Variants in USP54 observed in about 807,000 individuals in gnomAD.
USP54 encodes the protein ubiquitin specific peptidase 54.
A neutral mutation model predicts 170.5 loss-of-function variants in USP54; 87 were observed. The ratio of observed to expected loss-of-function variants is 0.51; its 90% confidence interval spans 0.43 to 0.61. USP54 has a LOEUF of 0.61. USP54 is among the 20% of genes least tolerant of loss of function. USP54 has a pLI of 0.00. For missense variants in USP54, 1,786 were observed against 2,047.8 expected, an observed-to-expected ratio of 0.87 and a Z score of 2.47; for synonymous variants, 655 against 742.8, an observed-to-expected ratio of 0.88 and a Z score of 1.92.
chr10:73,502,592 C>T (rs145982110), intron 22 of USP54, among the ~76,000 whole-genome samples: 2 of 152,212 alleles, frequency 1.3e-5, no homozygotes, highest in East Asian at 1.9e-4. Context: ...GGATTACAGG[C>T]GTGAGCCACC....
intron 5 of USP54, among the ~76,000 whole-genome samples, chr10:73,543,729 C>T (rs577241880): frequency 3.5e-4 from 53 of 152,166 alleles, no homozygotes; most frequent in African/African-American, 1.2e-3. Context: ...CAGATTTCAC[C>T]AGTTTTACAT....
chr10:73,623,986 G>A (rs1451090514), intron 1 of USP54, among the ~76,000 whole-genome samples: 2 of 151,784 alleles, frequency 1.3e-5, no homozygotes, highest in African/African-American at 4.8e-5. Flanking sequence ...GATTCATGCA[G>A]AAATCTTTTG....
At chr10:73,544,638 T>G (rs2067346798) in intron 5 of USP54, among the ~76,000 whole-genome samples, 1 of 152,186 alleles carries the variant, frequency 6.6e-6, no homozygotes. Flanking sequence ...GTGATCCAGT[T>G]CCTCAGGAGC....
At chr10:73,606,701 AC>A (rs1168142141) in intron 1 of USP54, among the ~76,000 whole-genome samples, 5 of 151,782 alleles carry the variant, frequency 3.3e-5, no homozygotes, top group Non-Finnish European at 4.4e-5. Flanking sequence ...ACACGGTGAA[AC>A]CCTGTCTCTA....
At chr10:73,554,761 C>T (rs1171468259) in intron 4 of USP54, among the ~76,000 whole-genome samples, 2 of 152,190 alleles carry the variant, frequency 1.3e-5, no homozygotes, top group African/African-American at 4.8e-5. Context: ...GAAACAAGTG[C>T]CAAACATTTT....
intron 22 of USP54, among the ~76,000 whole-genome samples, chr10:73,502,870 C>T (rs905517894): frequency 6.6e-6 from 1 of 152,152 alleles, no homozygotes; most frequent in Non-Finnish European, 1.5e-5. Context: ...CTGCCAGATA[C>T]CTCCACTCAA....
chr10:73,551,111 A>T (rs2069224935), intron 4 of USP54, among the ~76,000 whole-genome samples: 2 of 152,130 alleles, frequency 1.3e-5, no homozygotes, highest in African/African-American at 4.8e-5. Flanking sequence ...CTCAAAAAAA[A>T]TAAATTGTTT....
chr10:73,518,644 T>C (rs888434751), intron 19 of USP54: 6 of 151,850 alleles, frequency 4.0e-5, no homozygotes, highest in Non-Finnish European at 7.4e-5. Context: ...TTTACTAATA[T>C]GGGAAGCCCA....
intron 20 of USP54, among the ~76,000 whole-genome samples, chr10:73,510,326 C>T: frequency 6.6e-6 from 1 of 151,876 alleles, no homozygotes; most frequent in Non-Finnish European, 1.5e-5. Context: ...TAGAACGAGA[C>T]CTCGTCTAAA....
intron 4 of USP54, among the ~76,000 whole-genome samples, chr10:73,568,828 A>G (rs2074392526): frequency 6.6e-6 from 1 of 152,192 alleles, no homozygotes. Context: ...ATATTTCCTC[A>G]GCCCAACAAA....
Position 73,558,704 on chromosome 10 carries a change from G to C in USP54, c.240+12717C>G, listed in dbSNP as rs566283364. 5.3e-5 allele frequency among the ~76,000 whole-genome samples: 8 copies of C among 152,178 alleles called. No individual in the cohort carries two copies. In the South Asian group the frequency reaches 1.7e-3, roughly 32 times the overall value. ...ATTATGCTCCAAATAAAAGAAATCT[G>C]ACTTTACAGAATTGGCAAGTCCTTA... On this transcript the variant is annotated intron_variant, in intron 4 of 23. Coordinates refer to ENST00000687698, the MANE Select transcript of USP54 (RefSeq NM_001391956.1).
chr10:73,557,378 G>C (rs2071369494), intron 4 of USP54, among the ~76,000 whole-genome samples: 1 of 151,622 alleles, frequency 6.6e-6, no homozygotes, highest in African/African-American at 2.4e-5. Context: ...CAGAAGCGCA[G>C]TGGCGCAATC....
Position 73,517,754 on chromosome 10 carries a change from C to T in USP54, c.2679-7G>A. ...GAGCGGGATAGGCTGTTCACTGAAA[C>T]AAATGGAGAGAGCTAGTCATAAGCT... On this transcript the variant is annotated splice_polypyrimidine_tract_variant and splice_region_variant and intron_variant, in intron 19 of 23. Coordinates refer to ENST00000687698, the MANE Select transcript of USP54 (RefSeq NM_001391956.1). The T allele has an allele frequency of 6.2e-7, 1 of 1,604,118 alleles. No homozygotes were observed. Among genetic ancestry groups the T allele is most frequent in the South Asian group, 1.1e-5 (1 of 89,432 alleles).
At chr10:73,513,532 C>T (rs1438134726) in intron 20 of USP54, 1 of 151,578 alleles carries the variant, frequency 6.6e-6, no homozygotes, top group Non-Finnish European at 1.5e-5. Flanking sequence ...AAATAAATTA[C>T]AGTACATTCA....
Position 73,539,513 on chromosome 10 carries a change from A to C in USP54, c.906T>G (p.His302Gln), listed in dbSNP as rs758345287. 1 of 1,612,372 alleles carries C rather than the reference A, an allele frequency of 6.2e-7. No homozygotes were observed. The highest frequency in any genetic ancestry group is 1.1e-5 in the South Asian group (1 of 90,840). The part of the protein sequence containing the change: ...LVGMICYYGK[H>Q]YSTFFFQTKI... ...TTGTTTGAAAAAAGAATGTAGAATAATGTTTGCCATAGTAACAGATCATTC... is the reference window on the plus strand; with the variant it reads ...TTGTTTGAAAAAAGAATGTAGAATACTGTTTGCCATAGTAACAGATCATTC... The change falls in exon 10 of 24, where the codon CAT (histidine) becomes CAG (glutamine). Residue 302 changes from histidine to glutamine, a missense_variant. His to Gln is a conservative substitution (Grantham distance 24, BLOSUM62 0). This residue lies in a region of USP54 where 361 missense variants were observed against 455.0 expected (regional missense o/e 0.79). Transcript: ENST00000687698.
rs1434622216 is a variant in USP54 at position 73,498,919 on chromosome 10, C to T, written c.4765G>A (p.Asp1589Asn). ...GGGTGGGAGGGTGAATGGAAAAGAT[C>T]ACTCCAGGACTGAGTGTGAGGAACC... Reference protein sequence around the residue: ...LQVPHTQSWSDLFHSPSHPPI... With the variant: ...LQVPHTQSWSNLFHSPSHPPI... Residue 1589 changes from aspartate (D) to asparagine (N), a missense_variant, in exon 24 of 24, where the codon GAT becomes AAT. By Grantham distance (23) the Asp-to-Asn change is conservative. This residue lies in a region of USP54 where 1,418 missense variants were observed against 1,569.0 expected (regional missense o/e 0.90). Coordinates refer to ENST00000687698, the MANE Select transcript of USP54 (RefSeq NM_001391956.1). The T allele has an allele frequency of 1.9e-6, 3 of 1,614,122 alleles. No homozygotes were observed. The highest frequency in any genetic ancestry group is 3.3e-5 in the Admixed American group (2 of 60,018).
upstream of USP54, among the ~76,000 whole-genome samples, chr10:73,594,194 T>C (rs1363717131): frequency 6.6e-6 from 1 of 151,952 alleles, no homozygotes; most frequent in African/African-American, 2.4e-5. Flanking sequence ...CTTCAGCCTC[T>C]TCAGTAGCTG....
chr10:73,526,540 C>G (rs1168078088), intron 16 of USP54, 107 bp downstream of exon 16: 64 of 1,506,640 alleles, frequency 4.2e-5, no homozygotes, highest in Non-Finnish European at 5.4e-5. Flanking sequence ...AGCCACCGCG[C>G]CCGGCCTGTA....
intron 3 of USP54, among the ~76,000 whole-genome samples, chr10:73,575,297 TATC>T (rs2075960146): frequency 1.3e-5 from 2 of 152,224 alleles, no homozygotes; most frequent in African/African-American, 2.4e-5. Flanking sequence ...TTATTTCTCT[TATC>T]ATTATTAATC....
Sources: allele counts gnomAD v4.1 joint callset (sites outside exome capture counted in the v4.1 genomes callset), GRCh38; gene constraint gnomAD v4.1.1; regional missense constraint gnomAD v4.1.1; transcripts MANE v1.5; gene names NCBI Gene and HGNC (gene_info 2026-07-23, HGNC 2026-07-21).